RASAL2: variants seen among roughly 807,000 people sequenced by gnomAD.
The protein encoded by RASAL2 is RAS protein activator like 2, also known as ras GTPase-activating protein nGAP.
Under a neutral mutation model 128.9 loss-of-function variants are expected in RASAL2, and 58 were observed. That is an observed-to-expected ratio of 0.45 (90% CI 0.36 to 0.56). The LOEUF is 0.56. Ranked by LOEUF, RASAL2 falls within the 20% of genes least tolerant of loss-of-function variation. The probability of loss-of-function intolerance (pLI) is 0.00; values close to 1 mark genes in which losing one functional copy is unlikely to be tolerated. For synonymous variants in RASAL2, 561 were observed against 580.8 expected, an observed-to-expected ratio of 0.97 and a Z score of 0.49; for missense variants, 1,360 against 1,601.6, an observed-to-expected ratio of 0.85 and a Z score of 2.57.
At chr1:178,141,656 T>G (rs1008450670) in intron 1 of RASAL2, among the ~76,000 whole-genome samples, 1 of 152,140 alleles carries the variant, frequency 6.6e-6, no homozygotes, top group Non-Finnish European at 1.5e-5. Flanking sequence ...CATTTGAGAT[T>G]TCCTCGGGAG....
At chr1:178,397,231 A>G (rs1367752041) in intron 4 of RASAL2, among the ~76,000 whole-genome samples, 3 of 152,240 alleles carry the variant, frequency 2.0e-5, no homozygotes, top group East Asian at 1.9e-4. Context: ...CCAAATGTCT[A>G]TCAACTGAAG....
At chr1:178,401,235 A>G (rs559529113) in intron 4 of RASAL2, among the ~76,000 whole-genome samples, 1 of 152,326 alleles carries the variant, frequency 6.6e-6, no homozygotes, top group Admixed American at 6.5e-5. Flanking sequence ...CTTATGCCAT[A>G]GTTTCTTCAT....
At chr1:178,397,679 G>A (rs1673327796) in intron 4 of RASAL2, among the ~76,000 whole-genome samples, 1 of 151,474 alleles carries the variant, frequency 6.6e-6, no homozygotes, top group South Asian at 2.1e-4. Flanking sequence ...GCACAATCTT[G>A]GCTCACTGCA....
intron 1 of RASAL2, among the ~76,000 whole-genome samples, chr1:178,164,497 G>GTA (rs951942303): frequency 4.1e-5 from 6 of 145,066 alleles, no homozygotes; most frequent in African/African-American, 1.3e-4. Flanking sequence ...GTGTGTGTGT[G>GTA]TGTGTGTGCG....
chr1:178,135,496 T>TA (rs1207102103), intron 1 of RASAL2, among the ~76,000 whole-genome samples: 11,369 of 116,324 alleles, frequency 0.098, 969 homozygotes, highest in African/African-American at 0.14. Context: ...TGTCTCTTCA[T>TA]AAAAAAAAAA....
At chr1:178,430,478 GAATA>G in intron 5 of RASAL2, among the ~76,000 whole-genome samples, 1 of 151,970 alleles carries the variant, frequency 6.6e-6, no homozygotes, top group East Asian at 1.9e-4. Context: ...GTGTATTCAA[GAATA>G]GCTTTCCTGA....
At chr1:178,402,504 A>C (rs984212277) in intron 4 of RASAL2, among the ~76,000 whole-genome samples, 1 of 152,230 alleles carries the variant, frequency 6.6e-6, no homozygotes, top group Admixed American at 6.5e-5. Context: ...GCAGTATTAC[A>C]AACAGTATAG....
intron 1 of RASAL2, among the ~76,000 whole-genome samples, chr1:178,176,338 C>T (rs1417890824): frequency 1.3e-5 from 2 of 151,452 alleles, no homozygotes; most frequent in Non-Finnish European, 2.9e-5. Context: ...TTTCATGTTT[C>T]TTGACCATTT....
intron 3 of RASAL2, among the ~76,000 whole-genome samples, chr1:178,348,666 G>A (rs970427667): frequency 1.3e-5 from 2 of 151,972 alleles, no homozygotes; most frequent in Non-Finnish European, 2.9e-5. Flanking sequence ...TATTATAAGC[G>A]CTCCAGTTTG....
At chr1:178,198,134 C>G (rs923257823) in intron 1 of RASAL2, among the ~76,000 whole-genome samples, 1 of 152,102 alleles carries the variant, frequency 6.6e-6, no homozygotes, top group Non-Finnish European at 1.5e-5. Context: ...AGTCTTTGCT[C>G]TTGTGAATAG....
chr1:178,334,320 T>C (rs191846338), intron 3 of RASAL2, among the ~76,000 whole-genome samples: 28 of 152,194 alleles, frequency 1.8e-4, no homozygotes, highest in East Asian at 3.9e-4. Flanking sequence ...TAAAAAATCA[T>C]TCATTTATTG....
intron 1 of RASAL2, among the ~76,000 whole-genome samples, chr1:178,101,424 A>G (rs1571472519): frequency 6.6e-6 from 1 of 152,126 alleles, no homozygotes; most frequent in South Asian, 2.1e-4. Context: ...TCCATAAATT[A>G]TCTTCAACAT....
chr1:178,232,472 T>A (rs1190652452), intron 1 of RASAL2, among the ~76,000 whole-genome samples: 1 of 152,190 alleles, frequency 6.6e-6, no homozygotes, highest in Non-Finnish European at 1.5e-5. Context: ...TATGTTCCAG[T>A]TGCCACAAGA....
chr1:178,454,345 T>C (rs1677612440), intron 11 of RASAL2, 102 bp from the exon 12 acceptor site: 1 of 919,784 alleles, frequency 1.1e-6, no homozygotes, highest in African/African-American at 1.7e-5. Flanking sequence ...AGTCATTCCC[T>C]CCACAAAATA....
intron 1 of RASAL2, among the ~76,000 whole-genome samples, chr1:178,147,809 C>G (rs1660782640): frequency 6.6e-6 from 1 of 152,082 alleles, no homozygotes; most frequent in African/African-American, 2.4e-5. Flanking sequence ...GTGGCTCACA[C>G]CTGTAATCCC....
chr1:178,214,259 G>A (rs376749554), intron 1 of RASAL2, among the ~76,000 whole-genome samples: 1 of 152,078 alleles, frequency 6.6e-6, no homozygotes, highest in East Asian at 1.9e-4. Context: ...GGATGACTGA[G>A]TGAGAACCTT....
intron 9 of RASAL2, among the ~76,000 whole-genome samples, chr1:178,447,362 T>C (rs1677077563): frequency 6.6e-6 from 1 of 151,322 alleles, no homozygotes; most frequent in Admixed American, 6.6e-5. Context: ...GAAAGCCTAC[T>C]GAAAGCCAAT....
intron 5 of RASAL2, among the ~76,000 whole-genome samples, chr1:178,429,189 T>C (rs975034403): frequency 6.6e-6 from 1 of 152,116 alleles, no homozygotes; most frequent in African/African-American, 2.4e-5. Flanking sequence ...TTCTTCATCA[T>C]GCAGTCTTAT....
chr1:178,148,191 T>A lies in RASAL2; in HGVS notation c.202+53497T>A, dbSNP rs537784269. On this transcript the variant is annotated intron_variant, in intron 1 of 17. Transcript: ENST00000367649. ...GTGTTCATTTATTTTCTTTGCTCAC[T>A]TTTTTTTTTTTGAAAGGGGGCTTAA... 2.2e-5 allele frequency among the ~76,000 whole-genome samples: 3 copies of A among 138,732 alleles called. No homozygotes were observed. The South Asian group carries it at 6.5e-4, about 30-fold the overall frequency. The allele number at this position is 138,732 out of a possible 152,430, so 91.0% of individuals were successfully genotyped here. A position where few individuals can be genotyped will look rare whatever the true frequency, so the allele number is the denominator to read the frequency against.
Sources: gnomAD v4.1 joint callset for allele counts (sites outside exome capture counted in the v4.1 genomes callset) on GRCh38, gnomAD v4.1.1 for gene constraint, MANE v1.5 for transcripts, NCBI Gene and HGNC (gene_info 2026-07-23, HGNC 2026-07-21) for gene names.